Variants in ZMAT4 observed in about 807,000 individuals in gnomAD.
The protein encoded by ZMAT4 is zinc finger matrin-type protein 4.
Under a neutral mutation model 28.7 loss-of-function variants are expected in ZMAT4, and 17 were observed. That is an observed-to-expected ratio of 0.59 (90% CI 0.41 to 0.89). ZMAT4 has a LOEUF of 0.89. Ranked by LOEUF, ZMAT4 falls within the 40% of genes least tolerant of loss-of-function variation. ZMAT4 has a pLI of 0.00. For missense variants in ZMAT4, 240 were observed against 283.8 expected (o/e 0.85, Z 1.11); for synonymous variants, 117 against 109.2 (o/e 1.07, Z -0.44).
At chr8:40,733,400 C>G (rs1012842997) in intron 3 of ZMAT4, among the ~76,000 whole-genome samples, 1 of 152,144 alleles carries the variant, frequency 6.6e-6, no homozygotes, top group South Asian at 2.1e-4. Flanking sequence ...GTAACTGCAT[C>G]TAATTTGCAA....
At chr8:40,642,595 C>A (rs1807088039) in intron 5 of ZMAT4, among the ~76,000 whole-genome samples, 1 of 152,220 alleles carries the variant, frequency 6.6e-6, no homozygotes, top group South Asian at 2.1e-4. Context: ...CAGGTATGTT[C>A]TTCCTTCATA....
intron 2 of ZMAT4, among the ~76,000 whole-genome samples, chr8:40,812,961 A>G (rs1448107656): frequency 6.7e-6 from 1 of 149,630 alleles, no homozygotes; most frequent in African/African-American, 2.4e-5. Context: ...AAATTAAATT[A>G]AATTAAATTA....
At chr8:40,537,942 G>A (rs140315031) in intron 6 of ZMAT4, among the ~76,000 whole-genome samples, 60 of 152,248 alleles carry the variant, frequency 3.9e-4, no homozygotes, top group African/African-American at 1.3e-3. Flanking sequence ...AAAGTGCTAG[G>A]CTTTGGGCAT....
At chr8:40,853,536 A>G (rs1157094497) in intron 1 of ZMAT4, among the ~76,000 whole-genome samples, 1 of 152,192 alleles carries the variant, frequency 6.6e-6, no homozygotes, top group African/African-American at 2.4e-5. Context: ...AGCCCGAGTG[A>G]CAGTGCAAGA....
At chr8:40,872,137 G>C (rs1257978975) in intron 1 of ZMAT4, among the ~76,000 whole-genome samples, 1 of 152,174 alleles carries the variant, frequency 6.6e-6, no homozygotes, top group Non-Finnish European at 1.5e-5. Context: ...TGACTGAGGA[G>C]CTGCTCAAGC....
intron 3 of ZMAT4, among the ~76,000 whole-genome samples, chr8:40,760,439 C>T (rs1812876363): frequency 6.6e-6 from 1 of 152,212 alleles, no homozygotes; most frequent in Non-Finnish European, 1.5e-5. Context: ...CCATCCCTCC[C>T]CAAACATACC....
intron 3 of ZMAT4, among the ~76,000 whole-genome samples, chr8:40,720,695 T>C (rs1811047153): frequency 6.6e-6 from 1 of 151,848 alleles, no homozygotes; most frequent in Non-Finnish European, 1.5e-5. Context: ...ATCAGCTAAT[T>C]TTTGTATTTC....
At chr8:40,826,257 A>C (rs1338880020) in intron 1 of ZMAT4, among the ~76,000 whole-genome samples, 1 of 152,226 alleles carries the variant, frequency 6.6e-6, no homozygotes, top group East Asian at 1.9e-4. Context: ...GTGGCTTCCA[A>C]ATCCAAATTC....
intron 1 of ZMAT4, among the ~76,000 whole-genome samples, chr8:40,886,660 C>T (rs767024729): frequency 4.5e-4 from 68 of 152,216 alleles, no homozygotes; most frequent in Admixed American, 2.0e-4. Context: ...TACGCACAGG[C>T]TTGTTGCTGT....
At chr8:40,574,942 A>T (rs1003875599) in intron 6 of ZMAT4, among the ~76,000 whole-genome samples, 1 of 152,094 alleles carries the variant, frequency 6.6e-6, no homozygotes, top group African/African-American at 2.4e-5. Context: ...TAACCCCATG[A>T]TCTAAGCTGC....
At chr8:40,861,050 T>C (rs1586181916) in intron 1 of ZMAT4, among the ~76,000 whole-genome samples, 1 of 152,360 alleles carries the variant, frequency 6.6e-6, no homozygotes, top group East Asian at 1.9e-4. Context: ...TGACACTCTC[T>C]TACAGTCCCT....
chr8:40,769,388 A>T (rs573829383), intron 2 of ZMAT4, among the ~76,000 whole-genome samples: 1 of 152,188 alleles, frequency 6.6e-6, no homozygotes, highest in African/African-American at 2.4e-5. Flanking sequence ...ATGCAGGCTT[A>T]TATTTTTCTC....
At chr8:40,729,353 G>A (rs1585952961) in intron 3 of ZMAT4, among the ~76,000 whole-genome samples, 1 of 152,310 alleles carries the variant, frequency 6.6e-6, no homozygotes, top group Non-Finnish European at 1.5e-5. Context: ...AGCTAGAAGA[G>A]CTAAGTAAAA....
At chr8:40,671,344 G>T (rs1666235503) in intron 5 of ZMAT4, among the ~76,000 whole-genome samples, 1 of 151,946 alleles carries the variant, frequency 6.6e-6, no homozygotes, top group East Asian at 1.9e-4. Context: ...TAAAACATAT[G>T]TTGACCAAAA....
At chr8:40,691,174 A>G (rs1398508780) in intron 4 of ZMAT4, among the ~76,000 whole-genome samples, 1 of 152,168 alleles carries the variant, frequency 6.6e-6, no homozygotes, top group Non-Finnish European at 1.5e-5. Context: ...TTCTGCTTAA[A>G]TGTGTCTGAT....
rs146372366 is a variant in ZMAT4, at chr8:40,766,834, G to A, written c.192+807C>T. Among the ~76,000 whole-genome samples the A allele has an allele frequency of 2.7e-3, 418 of 152,252 alleles. 2 individuals are homozygous for A. The highest frequency in any genetic ancestry group is 9.2e-3 in the African/African-American group (382 of 41,548). The stretch of plus-strand genomic sequence containing the variant: ...TAATTTTTAATGAGAAAAGAAAACC[G>A]TCATCTACATGGCAGCAGAAAGAAA... On this transcript the variant is annotated intron_variant, in intron 3 of 6. Coordinates refer to ENST00000297737, the MANE Select transcript of ZMAT4 (RefSeq NM_024645.3).
chr8:40,561,238 G>A (rs1040280896), intron 6 of ZMAT4, among the ~76,000 whole-genome samples: 4 of 151,582 alleles, frequency 2.6e-5, no homozygotes, highest in Admixed American at 6.6e-5. Flanking sequence ...TTTCAAAGAA[G>A]GACAAGAAAA....
chr8:40,742,087 A>AAAAAAACC (rs1554549266), intron 3 of ZMAT4, among the ~76,000 whole-genome samples: 16 of 148,692 alleles, frequency 1.1e-4, no homozygotes, highest in Admixed American at 2.7e-4. Context: ...AAAAATACAA[A>AAAAAAACC]AAAAAACAAA....
intron 4 of ZMAT4, among the ~76,000 whole-genome samples, chr8:40,682,992 G>A (rs530485130): frequency 6.6e-6 from 1 of 152,170 alleles, no homozygotes; most frequent in Admixed American, 6.5e-5. Flanking sequence ...CTGTAATATT[G>A]CACATTCTTT....
Sources: allele counts gnomAD v4.1 joint callset (sites outside exome capture counted in the v4.1 genomes callset), GRCh38; gene constraint gnomAD v4.1.1; transcripts MANE v1.5; gene names NCBI Gene and HGNC (gene_info 2026-07-23, HGNC 2026-07-21).